ARHGAP22: variants seen among roughly 807,000 people sequenced by gnomAD.
The protein encoded by ARHGAP22 is Rho GTPase activating protein 22.
A neutral mutation model predicts 59.1 loss-of-function variants in ARHGAP22; 48 were observed. That is an observed-to-expected ratio of 0.81 (90% confidence interval 0.64 to 1.03). ARHGAP22 has a LOEUF of 1.03. Ranked by LOEUF, ARHGAP22 falls within the 50% of genes least tolerant of loss-of-function variation. ARHGAP22 has a pLI of 0.00. For missense variants in ARHGAP22, 1,015 were observed against 958.7 expected, an observed-to-expected ratio of 1.06 and a Z score of -0.78; for synonymous variants, 445 against 416.4, an observed-to-expected ratio of 1.07 and a Z score of -0.84.
At position 48,583,302 on chromosome 10, in the gene ARHGAP22, T is replaced by C. The variant is rs1158785575; in HGVS notation, c.35-150A>G. ...CAGCTGGGCCTACTTCCCCTTGGCATTGAAGGGGCATGGGTTGGAGCATCT... is the reference window on the plus strand; with the variant it reads ...CAGCTGGGCCTACTTCCCCTTGGCACTGAAGGGGCATGGGTTGGAGCATCT... On this transcript the variant is annotated intron_variant, in intron 1 of 9. Coordinates refer to ENST00000249601, the MANE Select transcript of ARHGAP22 (RefSeq NM_021226.4). 14 of 889,280 alleles carry C rather than the reference T, an allele frequency of 1.6e-5. No homozygotes were observed. In the East Asian group the frequency reaches 3.3e-4, roughly 21 times the overall value. The allele number at this position is 889,280 out of a possible 1,614,324, so 55.1% of individuals were successfully genotyped here.
At chr10:48,515,911 G>C (rs535876237) in intron 3 of ARHGAP22, among the ~76,000 whole-genome samples, 4 of 152,058 alleles carry the variant, frequency 2.6e-5, no homozygotes, top group Non-Finnish European at 5.9e-5. Context: ...CCATTCAAAA[G>C]GCTGAGGCAG....
chr10:48,638,797 G>T (rs1431974698), intron 1 of ARHGAP22, among the ~76,000 whole-genome samples: 1 of 151,998 alleles, frequency 6.6e-6, no homozygotes, highest in Non-Finnish European at 1.5e-5. Flanking sequence ...AGGGATAATG[G>T]CAATAATGCC....
chr10:48,455,587 A>G (rs2046412826), intron 5 of ARHGAP22, among the ~76,000 whole-genome samples: 1 of 152,212 alleles, frequency 6.6e-6, no homozygotes, highest in African/African-American at 2.4e-5. Context: ...GGGCCCTGGG[A>G]CATGGGCCAG....
At chr10:48,493,664 A>T in intron 3 of ARHGAP22, 1 of 1,402,500 alleles carries the variant, frequency 7.1e-7, no homozygotes, top group South Asian at 1.7e-5. Context: ...CTCCTGGGGA[A>T]CTTCTGCATT....
chr10:48,486,879 G>A (rs1589690821), intron 3 of ARHGAP22, among the ~76,000 whole-genome samples: 1 of 152,146 alleles, frequency 6.6e-6, no homozygotes, highest in East Asian at 1.9e-4. Context: ...TTCAAGGTTG[G>A]AAATGTTTTT....
intron 1 of ARHGAP22, among the ~76,000 whole-genome samples, chr10:48,591,574 T>A (rs951796498): frequency 6.6e-6 from 1 of 151,900 alleles, no homozygotes; most frequent in African/African-American, 2.4e-5. Flanking sequence ...GATAGGTACT[T>A]TTTTTTTAAA....
At chr10:48,635,113 A>G (rs1277595459) in intron 1 of ARHGAP22, among the ~76,000 whole-genome samples, 2 of 152,034 alleles carry the variant, frequency 1.3e-5, no homozygotes. Context: ...CAGTGTGAAC[A>G]AGGGAATTCC....
chr10:48,511,935 C>G (rs1445155), intron 3 of ARHGAP22, among the ~76,000 whole-genome samples: 1 of 151,974 alleles, frequency 6.6e-6, no homozygotes, highest in Non-Finnish European at 1.5e-5. Flanking sequence ...CCACCTCCCC[C>G]AATTAGCCCC....
intron 1 of ARHGAP22, among the ~76,000 whole-genome samples, chr10:48,635,386 C>G (rs891692492): frequency 6.6e-6 from 1 of 152,232 alleles, no homozygotes; most frequent in Admixed American, 6.5e-5. Flanking sequence ...TGTCCCAGCC[C>G]CTTGGCCAGC....
intron 1 of ARHGAP22, among the ~76,000 whole-genome samples, chr10:48,591,813 G>T (rs558258084): frequency 6.6e-5 from 10 of 152,244 alleles, no homozygotes; most frequent in Admixed American, 3.3e-4. Flanking sequence ...GGCAGAGGTT[G>T]CAGTGAGTCG....
chr10:48,434,049 T>C, the ARHGAP22 span, among the ~76,000 whole-genome samples: 3 of 152,212 alleles, frequency 2.0e-5, no homozygotes, highest in Non-Finnish European at 4.4e-5. Context: ...GCATAAGTCA[T>C]TCCTGTCCCC....
chr10:48,505,301 G>A (rs867577589), intron 3 of ARHGAP22, among the ~76,000 whole-genome samples: 6 of 152,074 alleles, frequency 3.9e-5, no homozygotes, highest in East Asian at 1.9e-4. Flanking sequence ...TGATCTGCCC[G>A]CCTTGGGAAA....
chr10:48,638,125 G>A (rs998332581), intron 1 of ARHGAP22, among the ~76,000 whole-genome samples: 25 of 152,150 alleles, frequency 1.6e-4, no homozygotes, highest in Admixed American at 1.4e-3. Context: ...ATCTTCCACC[G>A]TTTTCCCCTA....
At chr10:48,617,186 C>G (rs920998857) in intron 1 of ARHGAP22, among the ~76,000 whole-genome samples, 4 of 151,900 alleles carry the variant, frequency 2.6e-5, no homozygotes, top group African/African-American at 9.7e-5. Flanking sequence ...CAACACTGGA[C>G]CACTCAGATA....
chr10:48,554,033 C>A (rs547759713), intron 3 of ARHGAP22, among the ~76,000 whole-genome samples: 1 of 152,350 alleles, frequency 6.6e-6, no homozygotes, highest in African/African-American at 2.4e-5. Context: ...CCACAGTCAA[C>A]CTCTGTTTTC....
At chr10:48,549,555 G>A (rs998460831) in intron 3 of ARHGAP22, among the ~76,000 whole-genome samples, 1 of 152,080 alleles carries the variant, frequency 6.6e-6, no homozygotes, top group African/African-American at 2.4e-5. Flanking sequence ...ATCTGGGGTG[G>A]GAGAGCAGGA....
chr10:48,579,723 C>T (rs2058991230), intron 2 of ARHGAP22, among the ~76,000 whole-genome samples: 1 of 152,212 alleles, frequency 6.6e-6, no homozygotes, highest in Non-Finnish European at 1.5e-5. Context: ...GCTGGATATC[C>T]TTCTTCCGGA....
upstream of ARHGAP22, among the ~76,000 whole-genome samples, chr10:48,653,298 T>C (rs962761898): frequency 6.6e-5 from 10 of 152,232 alleles, no homozygotes; most frequent in Non-Finnish European, 2.9e-5. Context: ...AAAACAAGCA[T>C]AGCCAGTGCT....
intron 3 of ARHGAP22, among the ~76,000 whole-genome samples, chr10:48,481,039 C>T (rs1342443992): frequency 6.6e-6 from 1 of 152,254 alleles, no homozygotes; most frequent in Non-Finnish European, 1.5e-5. Flanking sequence ...GGGTGAGGAG[C>T]AGCCAGGGCT....
Sources: gnomAD v4.1 joint callset for allele counts (sites outside exome capture counted in the v4.1 genomes callset) on GRCh38, gnomAD v4.1.1 for gene constraint, MANE v1.5 for transcripts, NCBI Gene and HGNC (gene_info 2026-07-23, HGNC 2026-07-21) for gene names.